The following CEP162 variants were observed in gnomAD, a reference collection of about 807,000 sequenced individuals.
CEP162 encodes centrosomal protein 162, also known as centrosomal protein of 162 kDa.
In CEP162, 141 loss-of-function variants were observed where a neutral mutation model predicts 169.2. The observed-to-expected ratio is 0.83, with a 90% confidence interval of 0.73 to 0.96. The LOEUF (loss-of-function observed/expected upper bound fraction) is 0.96. CEP162 is among the 40% of genes least tolerant of loss of function. CEP162 has a pLI of 0.00. For missense variants in CEP162, 1,600 were observed against 1,587.2 expected (o/e 1.01, Z -0.14); for synonymous variants, 540 against 526.4 (o/e 1.03, Z -0.35).
At chr6:84,192,584 G>A (rs940241324) in intron 11 of CEP162, among the ~76,000 whole-genome samples, 1 of 152,222 alleles carries the variant, frequency 6.6e-6, no homozygotes, top group Non-Finnish European at 1.5e-5. Flanking sequence ...ACAAGGCCAG[G>A]AGATCACCAC....
At chr6:84,216,602 T>C (rs984076198) in intron 3 of CEP162, among the ~76,000 whole-genome samples, 1 of 152,210 alleles carries the variant, frequency 6.6e-6, no homozygotes, top group Non-Finnish European at 1.5e-5. Context: ...TTAAGCATAT[T>C]AAAAGTTTTT....
chr6:84,221,719 A>AC lies in CEP162; in HGVS notation c.58-549dup, dbSNP rs554496366. Among the ~76,000 whole-genome samples the AC allele has an allele frequency of 3.4e-3, 524 of 152,104 alleles. 3 individuals carry two copies. The highest frequency in any genetic ancestry group is 0.012 in the African/African-American group (482 of 41,476). On this transcript the variant is annotated intron_variant, in intron 2 of 26. Coordinates refer to ENST00000403245, the MANE Select transcript of CEP162 (RefSeq NM_014895.4). ...AATCCCATGCTCTAACCTCAGTATC[A>AC]CCCCCCACCACCTTAGCCAATAACT...
intron 18 of CEP162, among the ~76,000 whole-genome samples, chr6:84,163,553 C>T (rs1588766096): frequency 6.6e-6 from 1 of 151,920 alleles, no homozygotes; most frequent in South Asian, 2.1e-4. Flanking sequence ...AATTCTCTTG[C>T]TTGGATTACT....
Position 84,152,753 on chromosome 6 carries a change from G to A in CEP162, c.3421C>T (p.His1141Tyr), listed in dbSNP as rs758489637. The A allele has an allele frequency of 6.2e-6, 10 of 1,613,206 alleles. No homozygotes were observed. Among genetic ancestry groups the A allele is most frequent in the Admixed American group, 1.7e-5 (1 of 59,816 alleles). The change falls in exon 23 of 27, where the codon CAC becomes TAC. Residue 1141 changes from histidine (H) to tyrosine (Y), a missense_variant. Coordinates refer to ENST00000403245, the MANE Select transcript of CEP162 (RefSeq NM_014895.4). ...GAGTTAGCATTTCCTTTACTTGAGT[G>A]CAAAACATCTTTCTTTGCCCTTTTG... ...SAKRAKKDVL[H>Y]SSKGNANSFP...
intron 25 of CEP162, among the ~76,000 whole-genome samples, chr6:84,143,796 C>T (rs929590648): frequency 2.0e-5 from 3 of 151,890 alleles, no homozygotes; most frequent in African/African-American, 7.2e-5. Context: ...CTTGGAGCAT[C>T]GGTCTGCTCT....
Position 84,174,820 on chromosome 6 carries a change from C to T in CEP162, c.1932G>A (p.Glu644=). 6.3e-7 allele frequency: 1 copy of T among 1,599,564 alleles called. No homozygotes were observed. ...EQIKATFSEK[E]KELENKLEEL... Reference sequence around the variant, plus strand: ...CTTCCAACTTATTTTCTAGTTCTTTCTCCTTTTCTGAGAATGTGGCTTTAA... The same window carrying T: ...CTTCCAACTTATTTTCTAGTTCTTTTTCCTTTTCTGAGAATGTGGCTTTAA... The change falls in exon 15 of 27, where the codon GAG becomes GAA. Residue 644 remains glutamate, a synonymous_variant. Transcript: ENST00000403245.
chr6:84,161,631 T>C (rs761600994), intron 20 of CEP162, 115 bp downstream of exon 20: 16 of 772,764 alleles, frequency 2.1e-5, no homozygotes, highest in Non-Finnish European at 3.3e-5. Context: ...CCGATCTTAA[T>C]TAATAGTTCA....
Position 84,225,412 on chromosome 6 carries a change from C to T in CEP162, c.57+925G>A, listed in dbSNP as rs192371973. Among the ~76,000 whole-genome samples, 4 of 152,192 alleles carry T rather than the reference C, an allele frequency of 2.6e-5. No individual in the cohort carries two copies. In the East Asian group the frequency reaches 7.7e-4, roughly 29 times the overall value. On this transcript the variant is annotated intron_variant, in intron 2 of 26. Coordinates refer to ENST00000403245, the MANE Select transcript of CEP162 (RefSeq NM_014895.4). ...AACATAGAAAAGTAAACATATGGTACAAAAGATTAAAAAGATACACCTTTA... is the reference window on the plus strand; with the variant it reads ...AACATAGAAAAGTAAACATATGGTATAAAAGATTAAAAAGATACACCTTTA...
Position 84,185,198 on chromosome 6 carries a change from G to A in CEP162, c.1652C>T (p.Pro551Leu). The part of the protein sequence containing the change: ...NLRSISTSNQ[P>L]RKKEILSGTK... The stretch of plus-strand genomic sequence containing the variant: ...GAGTATATGATTACCTTTTTTCCTA[G>A]GTTGATTGGAGGTAGAAATCGATCT... The change falls in exon 13 of 27, where the codon CCT becomes CTT. Residue 551 changes from proline (P) to leucine (L), a missense_variant. Transcript: ENST00000403245. 6.2e-7 allele frequency: 1 copy of A among 1,608,098 alleles called. No homozygotes were observed. The highest frequency in any genetic ancestry group is 1.7e-5 in the Admixed American group (1 of 58,974).
chr6:84,148,415 G>T lies in CEP162; in HGVS notation c.3771+1147C>A, dbSNP rs1355238822. Among the ~76,000 whole-genome samples, 24 of 152,048 alleles carry T rather than the reference G, an allele frequency of 1.6e-4. 1 individual carries two copies. Among genetic ancestry groups the T allele is most frequent in the Admixed American group, 1.6e-3 (24 of 15,244 alleles). On this transcript the variant is annotated intron_variant, in intron 24 of 26. Coordinates refer to ENST00000403245, the MANE Select transcript of CEP162 (RefSeq NM_014895.4). ...ATGGTGGCGTGCACCTGTAATCCCA[G>T]CTACTTGGAAGGCTGAGACAGAAGA... is the stretch of plus-strand genomic sequence containing the variant.
chr6:84,195,654 G>GT (rs1205542869), intron 9 of CEP162, among the ~76,000 whole-genome samples: 25 of 151,950 alleles, frequency 1.6e-4, no homozygotes, highest in Non-Finnish European at 3.2e-4. Flanking sequence ...GTCAAACATT[G>GT]TTTTTTTTCC....
At chr6:84,156,006 C>T (rs574783963) in intron 21 of CEP162, among the ~76,000 whole-genome samples, 1 of 152,238 alleles carries the variant, frequency 6.6e-6, no homozygotes, top group African/African-American at 2.4e-5. Flanking sequence ...GCAGCCAAAA[C>T]AGCACAGTAC....
At chr6:84,149,513 T>C (rs1053224276) in intron 24 of CEP162, 49 bp downstream of exon 24, 5 of 1,455,260 alleles carry the variant, frequency 3.4e-6, no homozygotes, top group Admixed American at 2.4e-5. Context: ...CTCATTAAAG[T>C]CAAAACGAGT....
intron 13 of CEP162, among the ~76,000 whole-genome samples, chr6:84,177,227 G>A (rs2099532773): frequency 6.6e-6 from 1 of 152,092 alleles, no homozygotes; most frequent in Admixed American, 6.5e-5. Flanking sequence ...TAGTTGATAG[G>A]CTAACTACAT....
intron 15 of CEP162, 60 bp downstream of exon 15, chr6:84,174,667 A>T: frequency 1.3e-6 from 1 of 756,280 alleles, no homozygotes; most frequent in Non-Finnish European, 2.1e-6. Flanking sequence ...TTTAGCAGGG[A>T]ATTCAGCTTT....
chr6:84,211,422 G>T (rs886481827), intron 6 of CEP162, among the ~76,000 whole-genome samples: 1 of 151,086 alleles, frequency 6.6e-6, no homozygotes, highest in Non-Finnish European at 1.5e-5. Flanking sequence ...AGCTACTCAG[G>T]AGGCTGAGGC....
chr6:84,141,895 A>T (rs1433626690), intron 25 of CEP162, among the ~76,000 whole-genome samples: 7 of 151,456 alleles, frequency 4.6e-5, no homozygotes, highest in Admixed American at 4.0e-4. Flanking sequence ...AGAAAAACTT[A>T]AAAAAAAATA....
chr6:84,140,881 T>A (rs1438596091), intron 25 of CEP162, among the ~76,000 whole-genome samples: 1 of 152,156 alleles, frequency 6.6e-6, no homozygotes, highest in Admixed American at 6.5e-5. Flanking sequence ...GTTCCCAGAC[T>A]TTTTGGTACC....
intron 11 of CEP162, 114 bp from the exon 12 acceptor site, chr6:84,186,737 T>A: frequency 2.2e-5 from 18 of 817,592 alleles, no homozygotes; most frequent in Non-Finnish European, 3.2e-5. Flanking sequence ...AATTGTTAAC[T>A]ATTCAAATTA....
Sources: gnomAD v4.1 joint callset for allele counts (sites outside exome capture counted in the v4.1 genomes callset) on GRCh38, gnomAD v4.1.1 for gene constraint, MANE v1.5 for transcripts, NCBI Gene and HGNC (gene_info 2026-07-23, HGNC 2026-07-21) for gene names.